The following CYTH1 variants were observed in gnomAD, a reference collection of about 807,000 sequenced individuals.
CYTH1 encodes cytohesin 1, also known as cytohesin-1.
Under a neutral mutation model 61.8 loss-of-function variants are expected in CYTH1, and 18 were observed. That is an observed-to-expected ratio of 0.29 (90% confidence interval 0.20 to 0.43). The LOEUF is 0.43. CYTH1 is among the 20% of genes least tolerant of loss of function. CYTH1 has a pLI of 1.00. For missense variants in CYTH1, 336 were observed against 510.5 expected (o/e 0.66, Z 3.29); for synonymous variants, 174 against 184.3 (o/e 0.94, Z 0.45).
intron 6 of CYTH1, 143 bp downstream of exon 6, chr17:78,701,528 T>C (rs892604943): frequency 1.4e-5 from 11 of 784,190 alleles, no homozygotes; most frequent in Non-Finnish European, 1.9e-5. Context: ...CAGAGACCAA[T>C]AGATTTCTTC....
chr17:78,684,820 T>C (rs189904856), intron 11 of CYTH1, among the ~76,000 whole-genome samples: 11 of 152,318 alleles, frequency 7.2e-5, no homozygotes, highest in East Asian at 1.9e-4. Context: ...AACTGAAGAA[T>C]TGTTGAACTT....
At chr17:78,733,354 T>TTACA (rs975111428) in intron 1 of CYTH1, among the ~76,000 whole-genome samples, 2 of 152,212 alleles carry the variant, frequency 1.3e-5, no homozygotes, top group African/African-American at 4.8e-5. Context: ...TCTCATCAGT[T>TTACA]TACAGGTAAG....
At chr17:78,733,432 G>T (rs949384924) in intron 1 of CYTH1, among the ~76,000 whole-genome samples, 1 of 152,132 alleles carries the variant, frequency 6.6e-6, no homozygotes, top group South Asian at 2.1e-4. Flanking sequence ...TTCACATTCC[G>T]GTCACCGGCT....
intron 1 of CYTH1, among the ~76,000 whole-genome samples, chr17:78,756,519 G>A (rs976389138): frequency 2.0e-5 from 3 of 152,162 alleles, no homozygotes; most frequent in Non-Finnish European, 4.4e-5. Context: ...AATTAAAGGT[G>A]CTGAAAATGT....
chr17:78,731,351 G>T (rs1417598569), intron 1 of CYTH1, among the ~76,000 whole-genome samples: 1 of 152,132 alleles, frequency 6.6e-6, no homozygotes, highest in East Asian at 1.9e-4. Context: ...TCTGTCCCAG[G>T]TAATTACTTA....
rs1020723146 is a variant in CYTH1 at position 78,700,791 on chromosome 17, C to T, written c.438-348G>A. ...CCACCCGCCTCAGCCTCCCAAAGTG[C>T]TGGGAGTACAGGTGTGAGCCACGGT... is the stretch of plus-strand genomic sequence containing the variant. On this transcript the variant is annotated intron_variant, in intron 6 of 13. Coordinates refer to ENST00000446868, the MANE Select transcript of CYTH1 (RefSeq NM_004762.6). The surrounding 1 kb of genome is among the most constrained non-coding windows in gnomAD (Gnocchi z 5.1). 5.3e-5 allele frequency among the ~76,000 whole-genome samples: 8 copies of T among 152,276 alleles called. No homozygotes were observed. In the East Asian group the frequency reaches 1.5e-3, roughly 29 times the overall value.
intron 11 of CYTH1, among the ~76,000 whole-genome samples, chr17:78,684,895 G>A (rs534646414): frequency 4.6e-5 from 7 of 152,302 alleles, no homozygotes; most frequent in African/African-American, 1.2e-4. Flanking sequence ...AGACAAAGAA[G>A]TTTATGAAAA....
Position 78,695,875 on chromosome 17 carries a change from A to G in CYTH1, c.814+132T>C, listed in dbSNP as rs922418391. 1.6e-5 allele frequency: 21 copies of G among 1,280,082 alleles called. No individual in the cohort carries two copies. The African/African-American group carries it at 1.8e-4, about 11-fold the overall frequency. The allele number at this position is 1,280,082 out of a possible 1,614,324, so 79.3% of individuals were successfully genotyped here. On this transcript the variant is annotated intron_variant, in intron 10 of 13. Transcript: ENST00000446868. ...TGACCAGTTCCCTAGGGACTGTACA[A>G]TAAGTTAGAAGCAGCATTAACACTA...
chr17:78,704,432 G>C (rs987570962), intron 3 of CYTH1, among the ~76,000 whole-genome samples: 1 of 152,180 alleles, frequency 6.6e-6, no homozygotes, highest in African/African-American at 2.4e-5. Flanking sequence ...ATCATAAAAT[G>C]TTATTGCCTT....
intron 11 of CYTH1, among the ~76,000 whole-genome samples, chr17:78,687,507 C>T (rs1296304354): frequency 6.6e-6 from 1 of 152,198 alleles, no homozygotes; most frequent in African/African-American, 2.4e-5. Flanking sequence ...ATTCACCTGG[C>T]TTATTCTCAA....
rs564616223 is a variant in CYTH1, at chr17:78,695,195, C to T, written c.814+812G>A. Among the ~76,000 whole-genome samples the T allele has an allele frequency of 1.4e-3, 212 of 152,252 alleles. 3 individuals carry two copies. The highest frequency in any genetic ancestry group is 4.9e-3 in the African/African-American group (205 of 41,552). ...AGAAAATATGTTTCCCCAAAAAAAC[C>T]AGCAAATGGAGAGGAGACACCAAAA... On this transcript the variant is annotated intron_variant, in intron 10 of 13. Transcript: ENST00000446868.
chr17:78,782,253 TCGCCGCTCGCGTCCCGCCG>T lies in CYTH1; in HGVS notation c.-49_-31del. On this transcript the variant is annotated 5_prime_UTR_variant, in exon 1 of 14. Coordinates refer to ENST00000446868, the MANE Select transcript of CYTH1 (RefSeq NM_004762.6). ...CGGGAGCCGGGCTCCGCGCTCCGGC[TCGCCGCTCGCGTCCCGCCG>T]CGCCACCCGCGCCCCCGCTCGCCTC... 7.9e-7 allele frequency: 1 copy of T among 1,266,864 alleles called. No individual in the cohort carries two copies. The highest frequency in any genetic ancestry group is 1.9e-5 in the South Asian group (1 of 53,948). The allele number at this position is 1,266,864 out of a possible 1,614,324, so 78.5% of individuals were successfully genotyped here. A position where few individuals can be genotyped will look rare whatever the true frequency, so the allele number is the denominator to read the frequency against.
At chr17:78,708,788 A>T (rs573465949) in intron 2 of CYTH1, 2 of 156,830 alleles carry the variant, frequency 1.3e-5, no homozygotes, top group South Asian at 3.8e-4. Context: ...GTCAGAATGG[A>T]TGGGCTCTCA....
chr17:78,702,924 T>G (rs919660658), intron 3 of CYTH1, among the ~76,000 whole-genome samples: 4 of 151,918 alleles, frequency 2.6e-5, no homozygotes, highest in Non-Finnish European at 5.9e-5. Flanking sequence ...TGGGCTCAAG[T>G]GATCCTCCCA....
rs2093355841 is a variant in CYTH1, at chr17:78,745,375, TA to T, written c.23-35644del. ...AGGTAAACAGAAATAACCTCCTCCA[TA>T]AAGACAAAGCAGAAACAGCACAATT... is the stretch of plus-strand genomic sequence containing the variant. On this transcript the variant is annotated intron_variant, in intron 1 of 13. Coordinates refer to ENST00000446868, the MANE Select transcript of CYTH1 (RefSeq NM_004762.6). 5.9e-5 allele frequency among the ~76,000 whole-genome samples: 9 copies of T among 152,170 alleles called. No individual in the cohort carries two copies. In the South Asian group the frequency reaches 1.9e-3, roughly 32 times the overall value.
At chr17:78,780,881 C>T (rs934105406) in intron 1 of CYTH1, among the ~76,000 whole-genome samples, 2 of 152,090 alleles carry the variant, frequency 1.3e-5, no homozygotes, top group East Asian at 3.9e-4. Context: ...GTGGCACGCG[C>T]CTGTAGTCCC....
At chr17:78,713,085 A>AT (rs1280056153) in intron 1 of CYTH1, among the ~76,000 whole-genome samples, 1 of 149,770 alleles carries the variant, frequency 6.7e-6, no homozygotes, top group African/African-American at 2.5e-5. Context: ...CAACATTAAA[A>AT]AATATATATA....
intron 1 of CYTH1, among the ~76,000 whole-genome samples, chr17:78,767,820 G>A (rs1005504927): frequency 2.6e-4 from 39 of 152,128 alleles, no homozygotes; most frequent in African/African-American, 7.5e-4. Context: ...GATATCCAAG[G>A]GGAAATGTGC....
At chr17:78,746,895 C>CA (rs2093361369) in intron 1 of CYTH1, among the ~76,000 whole-genome samples, 1 of 151,952 alleles carries the variant, frequency 6.6e-6, no homozygotes, top group Non-Finnish European at 1.5e-5. Context: ...AGTGAGCTGT[C>CA]ATCACCCCAC....
Sources: gnomAD v4.1 joint callset for allele counts (sites outside exome capture counted in the v4.1 genomes callset) on GRCh38, gnomAD v4.1.1 for gene constraint, Gnocchi (gnomAD v3.1) non-coding constraint, MANE v1.5 for transcripts, NCBI Gene and HGNC (gene_info 2026-07-23, HGNC 2026-07-21) for gene names.